FHIT: variants seen among roughly 807,000 people sequenced by gnomAD.
FHIT encodes fragile histidine triad diadenosine triphosphatase.
Under a neutral mutation model 17.9 loss-of-function variants are expected in FHIT, and 19 were observed. The observed-to-expected ratio is 1.06, with a 90% CI of 0.74 to 1.56. FHIT has a LOEUF of 1.56. Among genes scored for constraint, FHIT ranks in the 40% most tolerant of loss-of-function variants. The probability of loss-of-function intolerance (pLI) is 0.00; values close to 1 mark genes in which losing one functional copy is unlikely to be tolerated. For synonymous variants in FHIT, 81 were observed against 69.7 expected (o/e 1.16, Z -0.81); for missense variants, 248 against 189.2 (o/e 1.31, Z -1.82).
chr3:60,407,067 ATTTTTTTTTTTTTT>A (rs34542104), intron 5 of FHIT, among the ~76,000 whole-genome samples: 1 of 62,878 alleles, frequency 1.6e-5, no homozygotes, highest in African/African-American at 7.0e-5. Context: ...CCTGCCAATA[ATTTTTTTTTTTTTT>A]TTTTTTTTTT....
intron 2 of FHIT, among the ~76,000 whole-genome samples, chr3:61,073,930 G>T (rs2034889142): frequency 6.6e-6 from 1 of 152,142 alleles, no homozygotes; most frequent in Non-Finnish European, 1.5e-5. Context: ...AAATGATGCT[G>T]TAAATACAGA....
At chr3:61,081,468 T>C (rs755597504) in intron 2 of FHIT, among the ~76,000 whole-genome samples, 4 of 152,240 alleles carry the variant, frequency 2.6e-5, no homozygotes. Context: ...TGATGCATTA[T>C]GTTCTACTGT....
In FHIT at chr3:60,586,853, G is replaced by T. The variant is rs147694027; in HGVS notation, c.-17-49874C>A. ...AATGGGACCTGCTTGAGGGCAGAGG[G>T]TTGGAGGAGAAAGAGGAGCAAAAAA... On this transcript the variant is annotated intron_variant, in intron 4 of 9. Coordinates refer to ENST00000492590, the MANE Select transcript of FHIT (RefSeq NM_002012.4). Among the ~76,000 whole-genome samples, 357 of 152,062 alleles carry T rather than the reference G, an allele frequency of 2.3e-3. 1 individual carries two copies. Among genetic ancestry groups the T allele is most frequent in the African/African-American group, 7.8e-3 (325 of 41,520 alleles).
At chr3:60,427,304 C>T (rs1372588659) in intron 5 of FHIT, among the ~76,000 whole-genome samples, 4 of 152,082 alleles carry the variant, frequency 2.6e-5, no homozygotes, top group African/African-American at 7.2e-5. Flanking sequence ...CCTACAATCA[C>T]AAGGAAACAG....
At chr3:60,217,398 T>C (rs1477306202) in intron 5 of FHIT, among the ~76,000 whole-genome samples, 1 of 152,204 alleles carries the variant, frequency 6.6e-6, no homozygotes, top group Non-Finnish European at 1.5e-5. Context: ...TTTGTGCTGC[T>C]TCCTAAATAT....
chr3:60,821,832 G>T (rs1239187603), intron 4 of FHIT, 87 bp downstream of exon 4: 1 of 151,946 alleles, frequency 6.6e-6, no homozygotes, highest in Non-Finnish European at 1.5e-5. Context: ...CAAGTACATA[G>T]GAACATTACT....
At chr3:59,907,921 T>C (rs548552113) in intron 8 of FHIT, among the ~76,000 whole-genome samples, 21 of 152,320 alleles carry the variant, frequency 1.4e-4, no homozygotes, top group East Asian at 9.7e-4. Context: ...TTTAAGGCCA[T>C]TGATGGCCAG....
At chr3:60,541,174 C>T (rs1356480844) in intron 4 of FHIT, among the ~76,000 whole-genome samples, 1 of 152,208 alleles carries the variant, frequency 6.6e-6, no homozygotes, top group Admixed American at 6.5e-5. Context: ...CACATTCCTC[C>T]TAAGACAGTC....
At chr3:60,827,145 GGA>G (rs782799182) in intron 3 of FHIT, among the ~76,000 whole-genome samples, 2 of 152,144 alleles carry the variant, frequency 1.3e-5, no homozygotes, top group African/African-American at 2.4e-5. Context: ...TTCTCTTCCT[GGA>G]GAGAGAGTCT....
chr3:60,165,114 A>AGTGAT (rs1463880917), intron 5 of FHIT, among the ~76,000 whole-genome samples: 1 of 152,194 alleles, frequency 6.6e-6, no homozygotes, highest in African/African-American at 2.4e-5. Flanking sequence ...GCCAAAAGGA[A>AGTGAT]GTGATGAGGA....
At chr3:60,370,852 T>C (rs1196971143) in intron 5 of FHIT, among the ~76,000 whole-genome samples, 1 of 152,208 alleles carries the variant, frequency 6.6e-6, no homozygotes, top group African/African-American at 2.4e-5. Flanking sequence ...GATAACATAG[T>C]TTCCTGTTTT....
chr3:60,059,780 C>A (rs922083730), intron 5 of FHIT, among the ~76,000 whole-genome samples: 5 of 152,098 alleles, frequency 3.3e-5, no homozygotes, highest in African/African-American at 9.7e-5. Flanking sequence ...AGAGCTCCCC[C>A]CATTCTTGTT....
chr3:61,118,522 G>C (rs535142598), intron 2 of FHIT, among the ~76,000 whole-genome samples: 2 of 152,258 alleles, frequency 1.3e-5, no homozygotes, highest in South Asian at 4.2e-4. Context: ...ATACAAACTG[G>C]TTTGTATTTC....
At chr3:60,082,927 TTC>T (rs1703351806) in intron 5 of FHIT, among the ~76,000 whole-genome samples, 1 of 152,174 alleles carries the variant, frequency 6.6e-6, no homozygotes, top group Non-Finnish European at 1.5e-5. Flanking sequence ...GGTTGTCTGT[TTC>T]TCTGTTGGTA....
At chr3:61,249,458 GT>G (rs1243672262) in intron 1 of FHIT, among the ~76,000 whole-genome samples, 1 of 152,176 alleles carries the variant, frequency 6.6e-6, no homozygotes, top group Non-Finnish European at 1.5e-5. Context: ...AGGCAGCATG[GT>G]ATAATTAAAA....
intron 5 of FHIT, among the ~76,000 whole-genome samples, chr3:60,149,116 T>G (rs999001269): frequency 1.3e-5 from 2 of 152,204 alleles, no homozygotes; most frequent in African/African-American, 4.8e-5. Context: ...ACTCACCTAA[T>G]TGAACGTGAA....
intron 5 of FHIT, among the ~76,000 whole-genome samples, chr3:60,072,990 C>A (rs1211841040): frequency 1.3e-5 from 2 of 152,170 alleles, no homozygotes; most frequent in African/African-American, 4.8e-5. Context: ...AGGGAATACA[C>A]AGAAGTTGTG....
chr3:60,985,043 C>A (rs1039679604), intron 3 of FHIT, among the ~76,000 whole-genome samples: 6 of 152,196 alleles, frequency 3.9e-5, no homozygotes, highest in Middle Eastern at 3.4e-3. Flanking sequence ...TTCTAAAGCC[C>A]ACATTCCTCA....
intron 5 of FHIT, among the ~76,000 whole-genome samples, chr3:60,439,141 T>C (rs757048995): frequency 6.6e-6 from 1 of 152,090 alleles, no homozygotes; most frequent in Non-Finnish European, 1.5e-5. Flanking sequence ...TTTGCAGGCA[T>C]CCAAGTTTTT....
Sources: gnomAD v4.1 joint callset for allele counts (sites outside exome capture counted in the v4.1 genomes callset) on GRCh38, gnomAD v4.1.1 for gene constraint, MANE v1.5 for transcripts, NCBI Gene and HGNC (gene_info 2026-07-23, HGNC 2026-07-21) for gene names.